MRC1: variants seen among roughly 807,000 people sequenced by gnomAD.
The protein encoded by MRC1 is macrophage mannose receptor 1.
In MRC1, 62 loss-of-function variants were observed where a neutral mutation model predicts 102.9. The ratio of observed to expected loss-of-function variants is 0.60; its 90% confidence interval spans 0.49 to 0.74. MRC1 has a LOEUF of 0.74. Ranked by LOEUF, MRC1 falls within the 30% of genes least tolerant of loss-of-function variation. The pLI is 0.00. For missense variants in MRC1, 1,237 were observed against 862.8 expected (o/e 1.43, Z -5.43); for synonymous variants, 457 against 298.4 (o/e 1.53, Z -5.48).
intron 23 of MRC1, among the ~76,000 whole-genome samples, chr10:17,895,116 G>A (rs918652742): frequency 0.037 from 5,608 of 152,230 alleles, 114 homozygotes; most frequent in Middle Eastern, 0.065. Context: ...CTGGGAGACT[G>A]AGGTGAGAGG....
chr10:17,838,500 C>G (rs1281640806), intron 4 of MRC1, among the ~76,000 whole-genome samples: 1 of 151,576 alleles, frequency 6.6e-6, no homozygotes, highest in Admixed American at 6.6e-5. Flanking sequence ...CTTGTTTCCC[C>G]GATGGTTTTT....
chr10:17,830,631 C>T (rs1838556684), intron 3 of MRC1, among the ~76,000 whole-genome samples: 1 of 151,254 alleles, frequency 6.6e-6, no homozygotes, highest in Non-Finnish European at 1.5e-5. Context: ...TCTCTCAGTT[C>T]TCTGTAGCAA....
At chr10:17,907,730 C>G in intron 28 of MRC1, 32 bp downstream of exon 28, 1 of 780,016 alleles carries the variant, frequency 1.3e-6, no homozygotes, top group Non-Finnish European at 2.4e-6. Flanking sequence ...TGGTGCATAT[C>G]ACTGGCTGCC....
At position 17,809,352 on chromosome 10, in the gene MRC1, T is replaced by C; in HGVS notation, c.-114T>C. The stretch of plus-strand genomic sequence containing the variant: ...GGCTTCCTCTGTAGTTCTTTTCAGC[T>C]GGGCAGCTCTGGGAACTTGGATTAG... On this transcript the variant is annotated 5_prime_UTR_variant, in exon 1 of 30. Transcript: ENST00000569591. 4 of 796,872 alleles carry C rather than the reference T, an allele frequency of 5.0e-6. No homozygotes were observed. In the Admixed American group the frequency reaches 5.2e-5, roughly 10 times the overall value. 49.4% of individuals were successfully genotyped at this position (796,872 alleles called of 1,614,324 possible). A position where few individuals can be genotyped will look rare whatever the true frequency, so the allele number is the denominator to read the frequency against.
chr10:17,886,317 C>T lies in MRC1; in HGVS notation c.3147+882C>T, dbSNP rs1023571378. Reference sequence around the variant, plus strand: ...CTTCCTTCCTTCCTTCCTTCCTTCCCTCCTTCCTTCCTTCCTTCCTTCTTC... The same window carrying T: ...CTTCCTTCCTTCCTTCCTTCCTTCCTTCCTTCCTTCCTTCCTTCCTTCTTC... On this transcript the variant is annotated intron_variant, in intron 22 of 29. Coordinates refer to ENST00000569591, the MANE Select transcript of MRC1 (RefSeq NM_002438.4). Among the ~76,000 whole-genome samples the T allele has an allele frequency of 3.8e-3, 461 of 121,820 alleles. 7 individuals carry two copies. The highest frequency in any genetic ancestry group is 0.016 in the African/African-American group (427 of 26,506). 79.9% of individuals were successfully genotyped at this position (121,820 alleles called of 152,430 possible).
chr10:17,890,641 G>A (rs2130704402), intron 22 of MRC1, among the ~76,000 whole-genome samples: 1 of 152,214 alleles, frequency 6.6e-6, no homozygotes, highest in Middle Eastern at 3.4e-3. Context: ...CACTGTCTTT[G>A]TCACATCTGT....
intron 8 of MRC1, among the ~76,000 whole-genome samples, chr10:17,855,949 G>T (rs970544427): frequency 1.3e-5 from 2 of 151,758 alleles, no homozygotes; most frequent in Non-Finnish European, 2.9e-5. Context: ...TGGGTGGATC[G>T]CCTGAGGTCA....
At chr10:17,906,804 T>A in intron 26 of MRC1, 82 bp from the exon 27 acceptor site, 4 of 778,174 alleles carry the variant, frequency 5.1e-6, no homozygotes. Flanking sequence ...TTTTTGTTGC[T>A]CTCAATAGCA....
chr10:17,863,594 A>C lies in MRC1; in HGVS notation c.1695A>C (p.Thr565=), dbSNP rs955275465. 70 of 780,896 alleles carry C rather than the reference A, an allele frequency of 9.0e-5. No homozygotes were observed. In the East Asian group the frequency reaches 1.5e-3, roughly 16 times the overall value. The allele number at this position is 780,896 out of a possible 1,614,324, so 48.4% of individuals were successfully genotyped here. A position where few individuals can be genotyped will look rare whatever the true frequency, so the allele number is the denominator to read the frequency against. ...VGLRPEKYFW[T]GLSDIQTKGT... ...TAAGGCCTGAAAAATATTTCTGGAC[A>C]GGACTTTCAGATATACAAACCAAAG... The change falls in exon 11 of 30, where the codon ACA becomes ACC. Residue 565 remains threonine (T), a synonymous_variant. Transcript: ENST00000569591.
intron 8 of MRC1, chr10:17,854,747 G>A: frequency 8.7e-6 from 2 of 228,870 alleles, no homozygotes; most frequent in Non-Finnish European, 1.8e-5. Flanking sequence ...GGAGTGCAAT[G>A]GCACAATCTT....
chr10:17,902,789 T>C (rs1323356555), intron 26 of MRC1, among the ~76,000 whole-genome samples: 2 of 152,178 alleles, frequency 1.3e-5, no homozygotes, highest in African/African-American at 4.8e-5. Flanking sequence ...CTGAGTGAGA[T>C]GAAGTTTGCT....
At chr10:17,893,309 C>T (rs1833707441) in intron 22 of MRC1, among the ~76,000 whole-genome samples, 1 of 152,048 alleles carries the variant, frequency 6.6e-6, no homozygotes, top group East Asian at 1.9e-4. Context: ...GCATGCACCA[C>T]CATGCCCAGC....
At chr10:17,813,097 A>G (rs1838250856) in intron 1 of MRC1, among the ~76,000 whole-genome samples, 1 of 152,224 alleles carries the variant, frequency 6.6e-6, no homozygotes, top group African/African-American at 2.4e-5. Flanking sequence ...TCATCATTTT[A>G]TAGATGAAGC....
intron 1 of MRC1, among the ~76,000 whole-genome samples, chr10:17,814,435 C>G (rs1838274636): frequency 6.6e-6 from 1 of 152,100 alleles, no homozygotes. Context: ...ATGCTGGGTG[C>G]TTTACATAAA....
chr10:17,812,337 A>G (rs1332035026), intron 1 of MRC1, among the ~76,000 whole-genome samples: 5 of 152,172 alleles, frequency 3.3e-5, no homozygotes, highest in Admixed American at 1.3e-4. Context: ...CAGAGGTTAG[A>G]CCACAGCAAA....
intron 22 of MRC1, among the ~76,000 whole-genome samples, chr10:17,887,045 G>A (rs1023249643): frequency 3.9e-5 from 6 of 152,132 alleles, no homozygotes; most frequent in African/African-American, 7.2e-5. Context: ...GCTATTTGCC[G>A]GGTGAATACA....
chr10:17,873,077 T>G (rs991063460), intron 15 of MRC1, among the ~76,000 whole-genome samples: 5 of 152,210 alleles, frequency 3.3e-5, no homozygotes, highest in African/African-American at 4.8e-5. Flanking sequence ...TTTTGCATTA[T>G]CGTAGCTCTA....
chr10:17,890,912 G>A (rs1234469145), intron 22 of MRC1, among the ~76,000 whole-genome samples: 3 of 151,928 alleles, frequency 2.0e-5, no homozygotes, highest in African/African-American at 2.4e-5. Flanking sequence ...CCTGAGCTCC[G>A]CCTCCTGTCA....
intron 1 of MRC1, among the ~76,000 whole-genome samples, chr10:17,812,598 GTC>G (rs1228896219): frequency 7.9e-6 from 1 of 125,788 alleles, no homozygotes; most frequent in Non-Finnish European, 1.6e-5. Context: ...TTGAGATGGA[GTC>G]TCTCTCTGTC....
Sources: allele counts gnomAD v4.1 joint callset (sites outside exome capture counted in the v4.1 genomes callset), GRCh38; gene constraint gnomAD v4.1.1; transcripts MANE v1.5; gene names NCBI Gene and HGNC (gene_info 2026-07-23, HGNC 2026-07-21).